The following TRRAP variants were observed in gnomAD, a reference collection of about 807,000 sequenced individuals.
The protein encoded by TRRAP is transformation/transcription domain associated protein.
Under a neutral mutation model 438.8 loss-of-function variants are expected in TRRAP, and 41 were observed. The observed-to-expected ratio is 0.09, with a 90% CI of 0.07 to 0.12. The LOEUF is 0.12. Among genes scored for constraint, TRRAP ranks in the 10% least tolerant of loss-of-function variants. TRRAP has a pLI of 1.00. For missense variants in TRRAP, 3,122 were observed against 5,055.1 expected (o/e 0.62, Z 11.60); for synonymous variants, 1,994 against 1,962.9 (o/e 1.02, Z -0.42).
At chr7:98,895,920 G>A (rs1584278289) in intron 7 of TRRAP, 100 bp downstream of exon 7, 2 of 896,972 alleles carry the variant, frequency 2.2e-6, no homozygotes, top group East Asian at 2.8e-5. Context: ...TGTGTGGGGA[G>A]GGTTTACTAT....
chr7:98,951,082 TG>T, intron 39 of TRRAP, 78 bp downstream of exon 39: 33 of 1,319,318 alleles, frequency 2.5e-5, no homozygotes, highest in Admixed American at 2.9e-5. Flanking sequence ...TGTGTGTGTG[TG>T]TGTGTGTGTG....
chr7:98,907,147 A>T (rs1796808934), intron 13 of TRRAP, among the ~76,000 whole-genome samples: 1 of 152,106 alleles, frequency 6.6e-6, no homozygotes, highest in South Asian at 2.1e-4. Flanking sequence ...AACATGAAGA[A>T]ACCCCTTCTC....
chr7:99,011,392 A>T lies in TRRAP; in HGVS notation c.11194A>T (p.Thr3732Ser). Residue 3732 changes from threonine (T) to serine (S), a missense_variant, in exon 72 of 73, where the codon ACT becomes TCT. By Grantham distance (58) the Thr-to-Ser change is moderately conservative. This residue lies in a region of TRRAP where 192 missense variants were observed against 355.6 expected (regional missense o/e 0.54). Coordinates refer to ENST00000456197, the MANE Select transcript of TRRAP (RefSeq NM_001375524.1). This position sits in a 1 kb window ranked among gnomAD's most constrained non-coding sequence, Gnocchi z 7.1. ...AYFRFDINDA[T>S]GDLDANRPVP... Reference sequence around the variant, plus strand: ...CTTTCGATTTGACATAAACGACGCGACTGGAGACCTGGATGCCAACCGTCC... The same window carrying T: ...CTTTCGATTTGACATAAACGACGCGTCTGGAGACCTGGATGCCAACCGTCC... The T allele has an allele frequency of 6.2e-7, 1 of 1,614,232 alleles. No individual in the cohort carries two copies. The highest frequency in any genetic ancestry group is 1.1e-5 in the South Asian group (1 of 91,082).
At chr7:98,938,133 C>T (rs1790635689) in intron 30 of TRRAP, among the ~76,000 whole-genome samples, 1 of 152,126 alleles carries the variant, frequency 6.6e-6, no homozygotes, top group African/African-American at 2.4e-5. Context: ...CAAGATTGTG[C>T]CACTGCACTC....
intron 3 of TRRAP, among the ~76,000 whole-genome samples, chr7:98,888,440 G>A (rs1554404287): frequency 1.3e-5 from 2 of 151,640 alleles, no homozygotes; most frequent in Non-Finnish European, 2.9e-5. Context: ...GAGAGGCTGA[G>A]GCAGGAGAAT....
rs782684515 is a variant in TRRAP at position 98,937,149 on chromosome 7, C to T, written c.4112-7C>T. 1.3e-5 allele frequency: 20 copies of T among 1,599,872 alleles called. No individual in the cohort carries two copies. Among genetic ancestry groups the T allele is most frequent in the Middle Eastern group, 3.3e-4 (2 of 6,008 alleles). ...TAATGGAATTGTCTTGATTTCTCTC[C>T]CTGAAGATGCACTTGCTGCCTGCAA... is the stretch of plus-strand genomic sequence containing the variant. On this transcript the variant is annotated splice_region_variant and splice_polypyrimidine_tract_variant and intron_variant, in intron 28 of 72. Coordinates refer to ENST00000456197, the MANE Select transcript of TRRAP (RefSeq NM_001375524.1).
At chr7:98,897,588 TA>T (rs1281347095) in intron 7 of TRRAP, among the ~76,000 whole-genome samples, 152 bp from the exon 8 acceptor site, 1 of 152,188 alleles carries the variant, frequency 6.6e-6, no homozygotes, top group Non-Finnish European at 1.5e-5. Context: ...TGAGCCTAAA[TA>T]CTGTGGAGTT....
chr7:98,957,856 C>G (rs1554420207), intron 43 of TRRAP, 125 bp from the exon 44 acceptor site: 3 of 782,190 alleles, frequency 3.8e-6, no homozygotes, highest in Non-Finnish European at 4.3e-6. Context: ...TTGGTATCCC[C>G]AGCGCCCAGA....
At chr7:98,890,794 TTTTTTTTTTTTA>T (rs1224739699) in intron 4 of TRRAP, among the ~76,000 whole-genome samples, 11 of 128,308 alleles carry the variant, frequency 8.6e-5, no homozygotes, top group African/African-American at 3.7e-4. Flanking sequence ...TTTTTTTTTT[TTTTTTTTTTTTA>T]AAAGACAAGG....
Position 99,005,087 on chromosome 7 carries a change from AG to A in TRRAP, c.10536-43del, listed in dbSNP as rs1794103485. 6 of 1,588,168 alleles carry A rather than the reference AG, an allele frequency of 3.8e-6. No individual in the cohort carries two copies. Among genetic ancestry groups the A allele is most frequent in the Non-Finnish European group, 5.2e-6 (6 of 1,159,374 alleles). On this transcript the variant is annotated intron_variant, in intron 68 of 72. Transcript: ENST00000456197. This position sits in a 1 kb window ranked among gnomAD's most constrained non-coding sequence, Gnocchi z 5.1. ...GCTTCTTCTCAAGACAAGGACTGGT[AG>A]CAGAGATGCAGGGCATGTCCTCATG...
chr7:98,909,192 A>G (rs543106792), intron 14 of TRRAP, among the ~76,000 whole-genome samples: 1 of 142,408 alleles, frequency 7.0e-6, no homozygotes, highest in South Asian at 2.3e-4. Flanking sequence ...CCCAACTAAC[A>G]TTTTGTATTT....
rs527534277 is a variant in TRRAP at position 99,011,708 on chromosome 7, T to C, written c.11337+173T>C. Among the ~76,000 whole-genome samples the C allele has an allele frequency of 7.2e-5, 11 of 152,408 alleles. No homozygotes were observed. In the East Asian group the frequency reaches 2.1e-3, roughly 29 times the overall value. ...TGAGGGCAAGGGATGGTTTTCTCTT[T>C]GGTTCACTCTTGTCTGTAGTGCTTG... On this transcript the variant is annotated intron_variant, in intron 72 of 72. Coordinates refer to ENST00000456197, the MANE Select transcript of TRRAP (RefSeq NM_001375524.1). The surrounding 1 kb of genome is among the most constrained non-coding windows in gnomAD (Gnocchi z 7.1).
intron 52 of TRRAP, among the ~76,000 whole-genome samples, chr7:98,971,350 A>G (rs1276990313): frequency 6.6e-6 from 1 of 152,196 alleles, no homozygotes; most frequent in African/African-American, 2.4e-5. Flanking sequence ...TCAGACAGAA[A>G]TAAGGTGTAT....
In TRRAP at chr7:98,897,898, G is replaced by A. The variant is rs144322758; in HGVS notation, c.633+32G>A. The A allele has an allele frequency of 2.7e-4, 443 of 1,611,230 alleles. 2 individuals are homozygous for A. In the African/African-American group the frequency reaches 4.9e-3, roughly 18 times the overall value. ...GTTTCGCTGAGTTATTTCTACCCGT[G>A]GCTCCTGTAGTTTCGGATACTGGCC... On this transcript the variant is annotated intron_variant, in intron 8 of 72. Coordinates refer to ENST00000456197, the MANE Select transcript of TRRAP (RefSeq NM_001375524.1).
Position 99,008,472 on chromosome 7 carries a change from A to G in TRRAP, c.10849A>G (p.Lys3617Glu). The stretch of plus-strand genomic sequence containing the variant: ...GGAGATCTACAAGCAGCGCTGCGCC[A>G]AGAAGGGCATCGAGCATGACAACCC... Reference protein sequence around the residue: ...LVEIYKQRCAKKGIEHDNPIS... With the variant: ...LVEIYKQRCAEKGIEHDNPIS... The change falls in exon 70 of 73, where the codon AAG becomes GAG. Residue 3617 changes from lysine (K) to glutamate (E), a missense_variant. This residue lies in a region of TRRAP where 38 missense variants were observed against 32.1 expected (regional missense o/e 1.18). Transcript: ENST00000456197. 6.2e-7 allele frequency: 1 copy of G among 1,614,076 alleles called. No homozygotes were observed. Among genetic ancestry groups the G allele is most frequent in the Non-Finnish European group, 8.5e-7 (1 of 1,179,998 alleles).
intron 45 of TRRAP, 118 bp from the exon 46 acceptor site, chr7:98,961,143 T>A: frequency 1.1e-6 from 1 of 908,004 alleles, no homozygotes; most frequent in Non-Finnish European, 1.7e-6. Flanking sequence ...TAGTGGTTTT[T>A]TTTACTTAGT....
At chr7:98,939,030 G>GT (rs1554414978) in intron 30 of TRRAP, among the ~76,000 whole-genome samples, 1 of 152,206 alleles carries the variant, frequency 6.6e-6, no homozygotes, top group Non-Finnish European at 1.5e-5. Flanking sequence ...AAATTGAAAT[G>GT]TAAGCGGATG....
At chr7:98,901,503 G>A (rs1377170368) in intron 11 of TRRAP, among the ~76,000 whole-genome samples, 7 of 152,180 alleles carry the variant, frequency 4.6e-5, no homozygotes, top group African/African-American at 1.7e-4. Context: ...TTCACCAACT[G>A]ATGAGTATTC....
Position 98,937,833 on chromosome 7 carries a change from C to A in TRRAP, c.4404+13C>A. On this transcript the variant is annotated intron_variant, in intron 30 of 72. Transcript: ENST00000456197. ...TGATCAGATGATGGTAAGCCAAATG[C>A]ATTTAAACGCTCTGTAACAAACTTT... 6.3e-7 allele frequency: 1 copy of A among 1,599,754 alleles called. No homozygotes were observed. The highest frequency in any genetic ancestry group is 1.1e-5 in the South Asian group (1 of 88,294).
Sources: gnomAD v4.1 joint callset for allele counts (sites outside exome capture counted in the v4.1 genomes callset) on GRCh38, gnomAD v4.1.1 for gene constraint, gnomAD v4.1.1 regional missense constraint, Gnocchi (gnomAD v3.1) non-coding constraint, MANE v1.5 for transcripts, NCBI Gene and HGNC (gene_info 2026-07-23, HGNC 2026-07-21) for gene names.